TNRC6B: variants seen among roughly 807,000 people sequenced by gnomAD.
The protein encoded by TNRC6B is trinucleotide repeat-containing gene 6B protein.
In TNRC6B, 52 loss-of-function variants were observed where a neutral mutation model predicts 203.6. The ratio of observed to expected loss-of-function variants is 0.26; its 90% CI spans 0.20 to 0.32. TNRC6B has a LOEUF of 0.32. Ranked by LOEUF, TNRC6B falls within the 10% of genes least tolerant of loss-of-function variation. The probability of loss-of-function intolerance (pLI) is 1.00; values close to 1 mark genes in which losing one functional copy is unlikely to be tolerated. For missense variants in TNRC6B, 1,923 were observed against 2,286.2 expected (o/e 0.84, Z 3.24); for synonymous variants, 838 against 845.7 (o/e 0.99, Z 0.16).
intron 1 of TNRC6B, among the ~76,000 whole-genome samples, chr22:40,112,660 A>G (rs890824281): frequency 6.6e-6 from 1 of 152,220 alleles, no homozygotes; most frequent in Non-Finnish European, 1.5e-5. Context: ...TTTTTAGACA[A>G]TGGTTCTGAC....
At chr22:40,125,707 C>G (rs2068485868) in intron 2 of TNRC6B, 1 of 1,190,530 alleles carries the variant, frequency 8.4e-7, no homozygotes, top group African/African-American at 1.5e-5. Flanking sequence ...TCAGTCTAAA[C>G]CTTTGAAAAA....
intron 4 of TNRC6B, among the ~76,000 whole-genome samples, chr22:40,162,362 G>A (rs2068878670): frequency 6.6e-6 from 1 of 152,120 alleles, no homozygotes; most frequent in African/African-American, 2.4e-5. Context: ...CCAAAGTGCT[G>A]GGATTACAGG....
upstream of TNRC6B, among the ~76,000 whole-genome samples, chr22:40,173,476 G>GAT (rs1284963722): frequency 4.1e-5 from 6 of 147,226 alleles, no homozygotes; most frequent in East Asian, 2.0e-4. Context: ...CAACAAAACA[G>GAT]ATATATATAT....
At chr22:40,288,042 G>A (rs913637594) in intron 12 of TNRC6B, among the ~76,000 whole-genome samples, 1 of 152,222 alleles carries the variant, frequency 6.6e-6, no homozygotes, top group African/African-American at 2.4e-5. Flanking sequence ...TAGCATTTGG[G>A]GGAAAGGCAG....
intron 5 of TNRC6B, among the ~76,000 whole-genome samples, chr22:40,267,921 T>C (rs545056929): frequency 1.3e-5 from 2 of 152,266 alleles, no homozygotes; most frequent in South Asian, 2.1e-4. Context: ...AATTAAACTT[T>C]CTTCCGTCAC....
intron 4 of TNRC6B, among the ~76,000 whole-genome samples, chr22:40,171,368 A>C (rs2068996713): frequency 1.3e-5 from 2 of 151,818 alleles, no homozygotes; most frequent in African/African-American, 4.8e-5. Flanking sequence ...TCACTGTGTT[A>C]GCCAGCATAG....
chr22:40,176,367 T>A (rs1174553245), upstream of TNRC6B, among the ~76,000 whole-genome samples: 1 of 152,122 alleles, frequency 6.6e-6, no homozygotes, highest in Non-Finnish European at 1.5e-5. Flanking sequence ...CCTCAGGTGA[T>A]CTGCCTGCCT....
chr22:40,138,376 C>T (rs1475632310), intron 3 of TNRC6B, among the ~76,000 whole-genome samples: 1 of 152,210 alleles, frequency 6.6e-6, no homozygotes, highest in Non-Finnish European at 1.5e-5. Context: ...GGAGATTCTC[C>T]TGCCTCAGCC....
At chr22:40,176,054 T>C (rs886554660), upstream of TNRC6B, among the ~76,000 whole-genome samples, 6 of 152,088 alleles carry the variant, frequency 3.9e-5, no homozygotes, top group South Asian at 1.0e-3. Flanking sequence ...AGAAGCACAC[T>C]AGGGAATCCT....
intron 12 of TNRC6B, among the ~76,000 whole-genome samples, chr22:40,289,223 A>G (rs1055433039): frequency 2.6e-4 from 39 of 152,226 alleles, no homozygotes; most frequent in East Asian, 2.1e-3. Context: ...GCGAGGCTGC[A>G]GTGAACCACG....
chr22:40,231,160 A>G (rs2069864204), intron 1 of TNRC6B, among the ~76,000 whole-genome samples: 1 of 152,150 alleles, frequency 6.6e-6, no homozygotes, highest in African/African-American at 2.4e-5. Flanking sequence ...CTTTAACTTT[A>G]TAATAAGTCT....
intron 12 of TNRC6B, among the ~76,000 whole-genome samples, chr22:40,298,338 C>G (rs540125374): frequency 2.0e-5 from 3 of 152,046 alleles, no homozygotes; most frequent in African/African-American, 7.2e-5. Flanking sequence ...TAACAGAATG[C>G]TTAGGGTCTA....
At chr22:40,312,818 A>G in intron 18 of TNRC6B, 84 bp from the exon 19 acceptor site, 2 of 1,477,800 alleles carry the variant, frequency 1.4e-6, no homozygotes, top group Non-Finnish European at 1.9e-6. Flanking sequence ...ATTCTATTGA[A>G]GTTTAAACAA....
chr22:40,060,143 T>C (rs1325641772), intron 1 of TNRC6B, among the ~76,000 whole-genome samples: 4 of 149,108 alleles, frequency 2.7e-5, no homozygotes, highest in East Asian at 3.9e-4. Context: ...ATTTTTTTTT[T>C]CTTTTTTTTT....
At chr22:40,285,918 A>G in intron 12 of TNRC6B, 148 bp downstream of exon 12, 1 of 1,050,702 alleles carries the variant, frequency 9.5e-7, no homozygotes, top group South Asian at 1.7e-5. Flanking sequence ...TTTGGCTAAG[A>G]TCAAGTAGAG....
At chr22:40,075,156 A>ATATATATATATTTTTT in intron 1 of TNRC6B, among the ~76,000 whole-genome samples, 2 of 35,568 alleles carry the variant, frequency 5.6e-5, no homozygotes, top group African/African-American at 2.1e-4. Flanking sequence ...ATATATATAT[A>ATATATATATATTTTTT]TTTTTTTTTT....
intron 6 of TNRC6B, among the ~76,000 whole-genome samples, chr22:40,271,695 C>G (rs2070565078): frequency 1.3e-5 from 2 of 152,178 alleles, no homozygotes; most frequent in Admixed American, 1.3e-4. Flanking sequence ...TTTCATGTGT[C>G]TTTCCCAACC....
chr22:40,089,779 G>A (rs988634675), intron 1 of TNRC6B, among the ~76,000 whole-genome samples: 3 of 152,116 alleles, frequency 2.0e-5, no homozygotes, highest in Admixed American at 2.0e-4. Flanking sequence ...ATGTATGATG[G>A]CATGTATCCA....
At chr22:40,254,774 C>T (rs1461265949) in intron 3 of TNRC6B, among the ~76,000 whole-genome samples, 1 of 152,130 alleles carries the variant, frequency 6.6e-6, no homozygotes, top group African/African-American at 2.4e-5. Flanking sequence ...GTAGTCCCAA[C>T]TACTCAGGAG....
Sources: gnomAD v4.1 joint callset for allele counts (sites outside exome capture counted in the v4.1 genomes callset) on GRCh38, gnomAD v4.1.1 for gene constraint, MANE v1.5 for transcripts, NCBI Gene and HGNC (gene_info 2026-07-23, HGNC 2026-07-21) for gene names.